SFMBT2: variants seen among roughly 807,000 people sequenced by gnomAD.
SFMBT2 encodes the protein Scm like with four mbt domains 2.
A neutral mutation model predicts 110.1 loss-of-function variants in SFMBT2; 38 were observed. The ratio of observed to expected loss-of-function variants is 0.35; its 90% CI spans 0.27 to 0.45. The LOEUF is 0.45. Ranked by LOEUF, SFMBT2 falls within the 20% of genes least tolerant of loss-of-function variation. SFMBT2 has a pLI of 1.00. For synonymous variants in SFMBT2, 425 were observed against 425.4 expected (o/e 1.00, Z 0.01); for missense variants, 1,011 against 1,094.9 (o/e 0.92, Z 1.08).
intron 7 of SFMBT2, among the ~76,000 whole-genome samples, chr10:7,267,955 T>C (rs1177857693): frequency 6.6e-6 from 1 of 152,238 alleles, no homozygotes; most frequent in East Asian, 1.9e-4. Flanking sequence ...TTTATTTCCA[T>C]TAACTAGAAA....
intron 4 of SFMBT2, among the ~76,000 whole-genome samples, chr10:7,361,282 C>A (rs1004272710): frequency 5.9e-5 from 9 of 152,170 alleles, no homozygotes; most frequent in Admixed American, 1.3e-4. Flanking sequence ...ACTGAAATGT[C>A]ATTTACATTA....
chr10:7,175,881 A>T, intron 17 of SFMBT2, 109 bp downstream of exon 17: 2 of 972,862 alleles, frequency 2.1e-6, no homozygotes, highest in Non-Finnish European at 3.1e-6. Context: ...ATGGAAGACT[A>T]GTCAAAAGGT....
chr10:7,163,875 A>C lies in SFMBT2; in HGVS notation c.2580T>G (p.Leu860=). The C allele has an allele frequency of 6.2e-7, 1 of 1,614,014 alleles. No individual in the cohort carries two copies. The highest frequency in any genetic ancestry group is 8.5e-7 in the Non-Finnish European group (1 of 1,179,990). ...GCTCCATGCACTCCTGCACCGTCGG[A>C]AGGGTCAGAAGCAGGAGTGCTTGGC... ...IDGQALLLLT[L]PTVQECMELK... The change falls in exon 21 of 21, where the codon CTT becomes CTG. Residue 860 remains leucine, a synonymous_variant. Transcript: ENST00000397167. This position sits in a 1 kb window ranked among gnomAD's most constrained non-coding sequence, Gnocchi z 4.8.
At chr10:7,192,580 T>C (rs975443062) in intron 15 of SFMBT2, among the ~76,000 whole-genome samples, 3 of 152,036 alleles carry the variant, frequency 2.0e-5, no homozygotes, top group African/African-American at 7.3e-5. Context: ...CATGACAGAC[T>C]CCCCAGATGT....
At position 7,305,376 on chromosome 10, in the gene SFMBT2, C is replaced by T. The variant is rs536529649; in HGVS notation, c.437-19422G>A. Among the ~76,000 whole-genome samples, 11 of 152,266 alleles carry T rather than the reference C, an allele frequency of 7.2e-5. No homozygotes were observed. The South Asian group carries it at 1.5e-3, about 20-fold the overall frequency. On this transcript the variant is annotated intron_variant, in intron 4 of 20. Coordinates refer to ENST00000397167, the MANE Select transcript of SFMBT2 (RefSeq NM_001387889.1). ...AATAACTCAGCAGTGTCTCCCTCCC[C>T]GAGTTCCTGTATCCTGTCATTAATT...
chr10:7,402,909 T>C (rs1846117376), intron 1 of SFMBT2, among the ~76,000 whole-genome samples: 1 of 152,270 alleles, frequency 6.6e-6, no homozygotes, highest in Non-Finnish European at 1.5e-5. Flanking sequence ...CCCCCAGCTT[T>C]CGATAGTGTC....
At chr10:7,285,087 A>G (rs534265766) in intron 5 of SFMBT2, 6 of 152,224 alleles carry the variant, frequency 3.9e-5, no homozygotes, top group Non-Finnish European at 7.3e-5. Flanking sequence ...AGAATATGAT[A>G]CTGTCAAAAT....
chr10:7,279,677 T>C (rs369274761), intron 6 of SFMBT2, among the ~76,000 whole-genome samples: 6 of 152,370 alleles, frequency 3.9e-5, no homozygotes, highest in African/African-American at 1.4e-4. Flanking sequence ...AATTAAAACA[T>C]GTCCCGATTC....
intron 4 of SFMBT2, among the ~76,000 whole-genome samples, chr10:7,328,696 T>C (rs1843469317): frequency 6.6e-6 from 1 of 152,262 alleles, no homozygotes; most frequent in Non-Finnish European, 1.5e-5. Flanking sequence ...CAATTTCCTC[T>C]TTGATAAAGT....
intron 4 of SFMBT2, among the ~76,000 whole-genome samples, chr10:7,355,455 G>C (rs914020810): frequency 2.0e-5 from 3 of 152,124 alleles, no homozygotes; most frequent in African/African-American, 7.2e-5. Flanking sequence ...TCCATGTCAC[G>C]TCTAGGGTTC....
At chr10:7,289,454 G>A (rs891859982) in intron 4 of SFMBT2, among the ~76,000 whole-genome samples, 4 of 152,202 alleles carry the variant, frequency 2.6e-5, no homozygotes, top group Non-Finnish European at 4.4e-5. Flanking sequence ...GAGCTCTAGG[G>A]ACGGCTCTGA....
intron 12 of SFMBT2, chr10:7,204,596 T>A: frequency 1.4e-6 from 1 of 730,230 alleles, no homozygotes; most frequent in Non-Finnish European, 1.7e-6. Flanking sequence ...AACACACTAT[T>A]AGCCAGGCGT....
At chr10:7,167,192 T>C (rs975125838) in intron 20 of SFMBT2, among the ~76,000 whole-genome samples, 1 of 152,220 alleles carries the variant, frequency 6.6e-6, no homozygotes, top group Non-Finnish European at 1.5e-5. Flanking sequence ...CCTGAAATTT[T>C]TTCATTAAGG....
intron 4 of SFMBT2, among the ~76,000 whole-genome samples, chr10:7,360,906 A>G (rs1219068027): frequency 6.6e-6 from 1 of 152,256 alleles, no homozygotes; most frequent in Admixed American, 6.5e-5. Flanking sequence ...TTCACACACC[A>G]TCATCAAAAA....
intron 4 of SFMBT2, among the ~76,000 whole-genome samples, chr10:7,322,617 A>G (rs1210927815): frequency 6.6e-6 from 1 of 152,140 alleles, no homozygotes; most frequent in Non-Finnish European, 1.5e-5. Flanking sequence ...ACACACACAC[A>G]CACACACACA....
At chr10:7,236,853 A>G (rs533906098) in intron 9 of SFMBT2, among the ~76,000 whole-genome samples, 9 of 152,350 alleles carry the variant, frequency 5.9e-5, no homozygotes, top group African/African-American at 9.6e-5. Flanking sequence ...CTAGGTTATC[A>G]TATGTGTGAA....
chr10:7,364,274 A>G (rs1044517046), intron 4 of SFMBT2, among the ~76,000 whole-genome samples: 2 of 152,252 alleles, frequency 1.3e-5, no homozygotes, highest in East Asian at 1.9e-4. Flanking sequence ...TCAAATTAGC[A>G]TAAGTTGTTA....
At chr10:7,404,611 G>A (rs1201688118) in intron 1 of SFMBT2, among the ~76,000 whole-genome samples, 9 of 152,222 alleles carry the variant, frequency 5.9e-5, no homozygotes, top group Admixed American at 5.9e-4. Flanking sequence ...TGTCATTTTT[G>A]CTTTTCAGAA....
intron 6 of SFMBT2, among the ~76,000 whole-genome samples, chr10:7,283,329 C>T (rs1841999966): frequency 6.6e-6 from 1 of 152,176 alleles, no homozygotes; most frequent in African/African-American, 2.4e-5. Context: ...ATCTTACATG[C>T]CAGGAGAAAA....
Sources: allele counts gnomAD v4.1 joint callset (sites outside exome capture counted in the v4.1 genomes callset), GRCh38; gene constraint gnomAD v4.1.1; non-coding constraint Gnocchi (gnomAD v3.1); transcripts MANE v1.5; gene names NCBI Gene and HGNC (gene_info 2026-07-23, HGNC 2026-07-21).